The following NRXN3 variants were observed in gnomAD, a reference collection of about 807,000 sequenced individuals.
NRXN3 encodes neurexin III.
In NRXN3, 32 loss-of-function variants were observed where a neutral mutation model predicts 137.6. The ratio of observed to expected loss-of-function variants is 0.23; its 90% confidence interval spans 0.18 to 0.31. The LOEUF (loss-of-function observed/expected upper bound fraction) is 0.31, where lower values mean the gene tolerates loss of function less well. Among genes scored for constraint, NRXN3 ranks in the 10% least tolerant of loss-of-function variants. The probability of loss-of-function intolerance (pLI) is 1.00; values close to 1 mark genes in which losing one functional copy is unlikely to be tolerated. For synonymous variants in NRXN3, 798 were observed against 784.5 expected, an observed-to-expected ratio of 1.02 and a Z score of -0.29; for missense variants, 1,574 against 2,062.5, an observed-to-expected ratio of 0.76 and a Z score of 4.59.
At position 78,645,219 on chromosome 14, in the gene NRXN3, C is replaced by T. The variant is rs761183745; in HGVS notation, c.857C>T (p.Ser286Phe). 1 of 1,598,552 alleles carries T rather than the reference C, an allele frequency of 6.3e-7. No individual in the cohort carries two copies. The highest frequency in any genetic ancestry group is 8.5e-7 in the Non-Finnish European group (1 of 1,179,726). Residue 286 changes from serine to phenylalanine, a missense_variant, in exon 5 of 21, where the codon TCC becomes TTC. By Grantham distance (155) the Ser-to-Phe change is radical. Around this residue, in one of 5 missense-constraint regions of NRXN3, gnomAD observed 400 missense variants for 527.3 expected, o/e 0.76. Coordinates refer to ENST00000335750, the MANE Select transcript of NRXN3 (RefSeq NM_001330195.2). ...IQSSSDEITLSFKTWQRNGLI... is the reference protein window; with the variant it reads ...IQSSSDEITLFFKTWQRNGLI... ...AGCAGCAGTGATGAAATCACCCTCT[C>T]CTTTAAGACCTGGCAGCGTAACGGC...
chr14:79,090,257 A>G (rs1466090296), intron 15 of NRXN3, among the ~76,000 whole-genome samples: 1 of 152,152 alleles, frequency 6.6e-6, no homozygotes, highest in African/African-American at 2.4e-5. Context: ...CAGTTAATAT[A>G]ACATAGGGAT....
At chr14:78,922,184 T>C (rs903990265) in intron 10 of NRXN3, among the ~76,000 whole-genome samples, 1 of 152,216 alleles carries the variant, frequency 6.6e-6, no homozygotes, top group Non-Finnish European at 1.5e-5. Context: ...TCGTCCTATA[T>C]GGATATTCTA....
intron 1 of NRXN3, among the ~76,000 whole-genome samples, chr14:78,191,498 C>A (rs951007683): frequency 2.6e-5 from 4 of 152,302 alleles, no homozygotes; most frequent in African/African-American, 9.6e-5. Flanking sequence ...TGGGAGGAGG[C>A]TGAGACCTTC....
intron 4 of NRXN3, among the ~76,000 whole-genome samples, chr14:78,381,097 C>T (rs1233896985): frequency 2.6e-5 from 4 of 152,108 alleles, no homozygotes; most frequent in Non-Finnish European, 2.9e-5. Flanking sequence ...TGCATATCCA[C>T]TGGCAAAAAA....
At chr14:78,533,347 A>G (rs1466298858) in intron 4 of NRXN3, among the ~76,000 whole-genome samples, 1 of 151,348 alleles carries the variant, frequency 6.6e-6, no homozygotes, top group African/African-American at 2.4e-5. Context: ...CAGCCTCCCA[A>G]CCTCCAGCTC....
At chr14:78,515,300 G>A (rs943492840) in intron 4 of NRXN3, among the ~76,000 whole-genome samples, 1 of 152,110 alleles carries the variant, frequency 6.6e-6, no homozygotes. Flanking sequence ...TACAAGAGTG[G>A]GGTCCCTATG....
At chr14:78,552,613 C>A (rs925411811) in intron 4 of NRXN3, among the ~76,000 whole-genome samples, 1 of 152,146 alleles carries the variant, frequency 6.6e-6, no homozygotes, top group Admixed American at 6.5e-5. Flanking sequence ...CTGCAGTGAC[C>A]TGTGATCACA....
Position 78,525,987 on chromosome 14 carries a change from A to G in NRXN3, c.758-119133A>G, listed in dbSNP as rs1018365340. On this transcript the variant is annotated intron_variant, in intron 4 of 20. Transcript: ENST00000335750. ...TGGATTCCTGACTGAAAGGGGATTC[A>G]TAAGAGCCTTGCTTACTTCATGGCT... 2.0e-5 allele frequency among the ~76,000 whole-genome samples: 3 copies of G among 152,192 alleles called. No homozygotes were observed. In the South Asian group the frequency reaches 6.2e-4, roughly 32 times the overall value.
chr14:79,090,739 A>C (rs540232835), intron 15 of NRXN3, among the ~76,000 whole-genome samples: 1 of 152,190 alleles, frequency 6.6e-6, no homozygotes, highest in Non-Finnish European at 1.5e-5. Context: ...CCCACACTAC[A>C]TAATGCATAG....
chr14:78,827,401 A>G (rs2152383460), intron 10 of NRXN3, among the ~76,000 whole-genome samples: 1 of 152,294 alleles, frequency 6.6e-6, no homozygotes, highest in African/African-American at 2.4e-5. Context: ...ATATGGACGC[A>G]TATATATGGG....
At chr14:78,889,924 G>C (rs944480893) in intron 10 of NRXN3, among the ~76,000 whole-genome samples, 1 of 151,982 alleles carries the variant, frequency 6.6e-6, no homozygotes, top group African/African-American at 2.4e-5. Context: ...AACTATCTTT[G>C]TAAGAGACAG....
intron 15 of NRXN3, among the ~76,000 whole-genome samples, chr14:78,989,791 A>G (rs1259339592): frequency 2.0e-5 from 3 of 152,164 alleles, no homozygotes; most frequent in African/African-American, 7.2e-5. Flanking sequence ...TGTCGCATAT[A>G]CGTCCCTTTC....
At chr14:78,758,513 C>T (rs895852688) in intron 8 of NRXN3, among the ~76,000 whole-genome samples, 5 of 152,136 alleles carry the variant, frequency 3.3e-5, no homozygotes, top group African/African-American at 1.2e-4. Flanking sequence ...GTTTTATCCT[C>T]CTCTGGTGGA....
chr14:79,087,974 T>A lies in NRXN3; in HGVS notation c.3262+99833T>A, dbSNP rs1451632726. On this transcript the variant is annotated intron_variant, in intron 15 of 20. Coordinates refer to ENST00000335750, the MANE Select transcript of NRXN3 (RefSeq NM_001330195.2). ...TTTCTGGTTAAAGCAACACCAGTAT[T>A]TGGATGAGTTGGAGCAACGTCAGAA... 5.0e-5 allele frequency among the ~76,000 whole-genome samples: 7 copies of A among 139,944 alleles called. 1 individual carries two copies. Among genetic ancestry groups the A allele is most frequent in the African/African-American group, 2.3e-4 (7 of 29,866 alleles). The allele number at this position is 139,944 out of a possible 152,430, so 91.8% of individuals were successfully genotyped here.
At chr14:78,598,110 G>A (rs1303885265) in intron 4 of NRXN3, among the ~76,000 whole-genome samples, 1 of 152,194 alleles carries the variant, frequency 6.6e-6, no homozygotes, top group Non-Finnish European at 1.5e-5. Flanking sequence ...CATTTTCATG[G>A]ATAATTACTG....
intron 10 of NRXN3, among the ~76,000 whole-genome samples, chr14:78,827,801 T>C (rs1430839363): frequency 1.3e-5 from 2 of 152,216 alleles, no homozygotes; most frequent in African/African-American, 4.8e-5. Context: ...CCGAGGAAAA[T>C]GACAACATCC....
chr14:78,808,458 T>A (rs2098890663), intron 9 of NRXN3, among the ~76,000 whole-genome samples: 1 of 152,126 alleles, frequency 6.6e-6, no homozygotes. Flanking sequence ...GTTTCCTCTC[T>A]CTCTTTAATA....
intron 16 of NRXN3, among the ~76,000 whole-genome samples, chr14:79,519,334 C>T (rs2097033059): frequency 6.6e-6 from 1 of 151,892 alleles, no homozygotes; most frequent in African/African-American, 2.4e-5. Flanking sequence ...CTAATGTTTA[C>T]CCTTTTTAAT....
At position 79,169,158 on chromosome 14, in the gene NRXN3, G is replaced by A. The variant is rs560044860; in HGVS notation, c.3262+181017G>A. 4.6e-5 allele frequency among the ~76,000 whole-genome samples: 7 copies of A among 152,064 alleles called. No individual in the cohort carries two copies. In the South Asian group the frequency reaches 1.5e-3, roughly 32 times the overall value. ...ACATCTTACACTTTGCCTTAGATTAGCGTTTGTTACTATGAAAGAAAGAAA... is the reference window on the plus strand; with the variant it reads ...ACATCTTACACTTTGCCTTAGATTAACGTTTGTTACTATGAAAGAAAGAAA... On this transcript the variant is annotated intron_variant, in intron 15 of 20. Coordinates refer to ENST00000335750, the MANE Select transcript of NRXN3 (RefSeq NM_001330195.2).
Sources: gnomAD v4.1 joint callset for allele counts (sites outside exome capture counted in the v4.1 genomes callset) on GRCh38, gnomAD v4.1.1 for gene constraint, gnomAD v4.1.1 regional missense constraint, MANE v1.5 for transcripts, NCBI Gene and HGNC (gene_info 2026-07-23, HGNC 2026-07-21) for gene names.